The following DOCK2 variants were observed in gnomAD, a reference collection of about 807,000 sequenced individuals.
DOCK2 encodes the protein dedicator of cytokinesis 2.
Under a neutral mutation model 248.9 loss-of-function variants are expected in DOCK2, and 87 were observed. The ratio of observed to expected loss-of-function variants is 0.35; its 90% CI spans 0.29 to 0.42. The LOEUF (loss-of-function observed/expected upper bound fraction) is 0.42, where lower values mean the gene tolerates loss of function less well. Ranked by LOEUF, DOCK2 falls within the 10% of genes least tolerant of loss-of-function variation. The pLI is 1.00. For missense variants in DOCK2, 1,747 were observed against 2,300.2 expected (o/e 0.76, Z 4.92); for synonymous variants, 805 against 821.6 (o/e 0.98, Z 0.35).
At chr5:169,759,597 A>T in intron 23 of DOCK2, 108 bp from the exon 24 acceptor site, 1 of 1,202,392 alleles carries the variant, frequency 8.3e-7, no homozygotes, top group East Asian at 2.4e-5. Context: ...AATGTCCAGG[A>T]TGCAGAATCA....
chr5:169,970,196 G>A (rs527321259), intron 27 of DOCK2, among the ~76,000 whole-genome samples: 9 of 152,316 alleles, frequency 5.9e-5, no homozygotes, highest in South Asian at 4.1e-4. Flanking sequence ...TTTGGATGCC[G>A]TGCACAGAAT....
chr5:170,045,968 C>G (rs1222656921), intron 39 of DOCK2, 63 bp downstream of exon 39: 1 of 1,519,236 alleles, frequency 6.6e-7, no homozygotes, highest in East Asian at 2.3e-5. Flanking sequence ...CTCAGCTCAC[C>G]CCAGATCCTG....
intron 44 of DOCK2, among the ~76,000 whole-genome samples, chr5:170,060,816 G>A (rs1292581482): frequency 1.3e-5 from 2 of 152,166 alleles, no homozygotes; most frequent in African/African-American, 2.4e-5. Flanking sequence ...CGGATCACAA[G>A]GTTAGGAGTT....
chr5:169,928,421 C>T (rs926831390), intron 27 of DOCK2, among the ~76,000 whole-genome samples: 10 of 152,354 alleles, frequency 6.6e-5, no homozygotes, highest in Admixed American at 3.9e-4. Flanking sequence ...GCTGTTTTCA[C>T]GTAGTCAGGC....
intron 27 of DOCK2, among the ~76,000 whole-genome samples, chr5:169,977,824 A>G (rs1015399197): frequency 1.1e-4 from 17 of 152,202 alleles, no homozygotes; most frequent in African/African-American, 4.1e-4. Context: ...TAAAATGAAT[A>G]GGTTTTAGAG....
intron 27 of DOCK2, among the ~76,000 whole-genome samples, chr5:169,961,693 C>A (rs1020047553): frequency 6.6e-6 from 1 of 151,994 alleles, no homozygotes; most frequent in Non-Finnish European, 1.5e-5. Flanking sequence ...AGAATAGAAG[C>A]CAGGCCGGGT....
intron 27 of DOCK2, among the ~76,000 whole-genome samples, chr5:169,853,093 G>C (rs1770698378): frequency 6.6e-6 from 1 of 152,250 alleles, no homozygotes; most frequent in African/African-American, 2.4e-5. Flanking sequence ...TAAGTCTCAT[G>C]AGATCTGATG....
At chr5:170,082,158 C>T (rs1418449007) in intron 51 of DOCK2, among the ~76,000 whole-genome samples, 174 bp downstream of exon 51, 3 of 152,138 alleles carry the variant, frequency 2.0e-5, no homozygotes, top group African/African-American at 7.2e-5. Flanking sequence ...GAGGGCAGTT[C>T]TCCTCTGGGG....
At chr5:169,992,625 C>A (rs1474507329) in intron 29 of DOCK2, among the ~76,000 whole-genome samples, 1 of 152,074 alleles carries the variant, frequency 6.6e-6, no homozygotes, top group African/African-American at 2.4e-5. Context: ...CCACCACGCC[C>A]AGCTAATTTT....
intron 49 of DOCK2, chr5:170,079,452 C>T (rs1757949601): frequency 3.1e-6 from 1 of 320,372 alleles, no homozygotes; most frequent in South Asian, 3.3e-5. Flanking sequence ...CCTGTTCTCC[C>T]ACCAAAAGGG....
rs10050698 is a variant in DOCK2, at chr5:170,031,055, C to G, written c.3467+3107C>G. On this transcript the variant is annotated intron_variant, in intron 34 of 51. Coordinates refer to ENST00000520908, the MANE Select transcript of DOCK2 (RefSeq NM_004946.3). ...ACTCCAGTTCTCCCTACCCTCAGAG[C>G]TCTCTTTGGAGCCCACGCTCATTGA... Among the ~76,000 whole-genome samples the G allele has an allele frequency of 8.5e-3, 1,300 of 152,370 alleles. 22 individuals carry two copies. The highest frequency in any genetic ancestry group is 0.028 in the African/African-American group (1,184 of 41,590).
chr5:169,702,245 C>A, intron 13 of DOCK2, 58 bp from the exon 14 acceptor site: 1 of 1,588,010 alleles, frequency 6.3e-7, no homozygotes, highest in South Asian at 1.1e-5. Context: ...TCTAGTTAGT[C>A]AGCGTCTCTC....
At chr5:169,793,435 G>C (rs1253422982) in intron 25 of DOCK2, among the ~76,000 whole-genome samples, 1 of 152,166 alleles carries the variant, frequency 6.6e-6, no homozygotes, top group African/African-American at 2.4e-5. Flanking sequence ...TGAGTTTAAT[G>C]CAGCTCTGCT....
chr5:169,871,155 A>G (rs1325228697), intron 27 of DOCK2, among the ~76,000 whole-genome samples: 2 of 152,164 alleles, frequency 1.3e-5, no homozygotes, highest in African/African-American at 4.8e-5. Context: ...TCCAAATATC[A>G]TCACATGGGG....
intron 35 of DOCK2, among the ~76,000 whole-genome samples, chr5:170,035,166 A>T (rs777039956): frequency 1.7e-4 from 26 of 152,214 alleles, no homozygotes; most frequent in Non-Finnish European, 3.5e-4. Context: ...CTGGCTGCCA[A>T]GCAGCCTCTC....
chr5:169,839,885 T>C (rs1769836389), intron 26 of DOCK2, among the ~76,000 whole-genome samples: 2 of 152,298 alleles, frequency 1.3e-5, no homozygotes, highest in South Asian at 4.2e-4. Context: ...GGTTACCTTG[T>C]TTGGTGTGTT....
In DOCK2 at chr5:170,062,100, AGT is replaced by A. The variant is rs148650076; in HGVS notation, c.4467+4462_4467+4463del. Among the ~76,000 whole-genome samples the A allele has an allele frequency of 4.4e-3, 633 of 144,402 alleles. 2 individuals carry two copies. The highest frequency in any genetic ancestry group is 4.9e-3 in the East Asian group (24 of 4,854). 94.7% of individuals were successfully genotyped at this position (144,402 alleles called of 152,430 possible). ...GTGTATCTATGTGTGTATGTATATG[AGT>A]GTGTGTGTGTGTGTGTGTGTGTGTG... is the stretch of plus-strand genomic sequence containing the variant. On this transcript the variant is annotated intron_variant, in intron 44 of 51. Transcript: ENST00000520908.
chr5:169,995,215 G>A (rs780807670), intron 29 of DOCK2, among the ~76,000 whole-genome samples: 7 of 151,968 alleles, frequency 4.6e-5, no homozygotes, highest in Non-Finnish European at 7.4e-5. Context: ...TTTTAGTAGA[G>A]ATAGGGTTTC....
At chr5:170,062,764 T>G (rs1757375780) in intron 44 of DOCK2, among the ~76,000 whole-genome samples, 1 of 152,178 alleles carries the variant, frequency 6.6e-6, no homozygotes, top group South Asian at 2.1e-4. Context: ...TCAGGCATCC[T>G]ATCCCCTGAG....
Sources: gnomAD v4.1 joint callset for allele counts (sites outside exome capture counted in the v4.1 genomes callset) on GRCh38, gnomAD v4.1.1 for gene constraint, MANE v1.5 for transcripts, NCBI Gene and HGNC (gene_info 2026-07-23, HGNC 2026-07-21) for gene names.